Variants in PIWIL1 observed in about 807,000 individuals in gnomAD.
PIWIL1 encodes the protein piwi-like protein 1.
PIWIL1 carries 73 observed loss-of-function variants against 114.4 expected under a neutral mutation model. The ratio of observed to expected loss-of-function variants is 0.64; its 90% CI spans 0.53 to 0.78. The LOEUF is 0.78. Ranked by LOEUF, PIWIL1 falls within the 30% of genes least tolerant of loss-of-function variation. The pLI, the probability that PIWIL1 is intolerant of heterozygous loss-of-function variation, is 0.00. For missense variants in PIWIL1, 723 were observed against 1,063.1 expected, an observed-to-expected ratio of 0.68 and a Z score of 4.45; for synonymous variants, 375 against 369.0, an observed-to-expected ratio of 1.02 and a Z score of -0.19.
intron 19 of PIWIL1, among the ~76,000 whole-genome samples, chr12:130,369,791 T>C (rs2073770628): frequency 1.3e-5 from 2 of 152,198 alleles, no homozygotes; most frequent in Admixed American, 6.5e-5. Context: ...ATTAGACTTT[T>C]GTAAGATGGG....
chr12:130,346,460 A>G lies in PIWIL1; in HGVS notation c.407A>G (p.Tyr136Cys), dbSNP rs747560820. The change falls in exon 5 of 21, where the codon TAT becomes TGT. Residue 136 changes from tyrosine (Y) to cysteine (C), a missense_variant. Coordinates refer to ENST00000245255, the MANE Select transcript of PIWIL1 (RefSeq NM_004764.5). ...GCCTTATATCAGTATCACATTGACT[A>G]TAACCCACTGATGGAAGCCAGAAGA... is the stretch of plus-strand genomic sequence containing the variant. ...QWALYQYHID[Y>C]NPLMEARRLR... 3 of 1,614,076 alleles carry G rather than the reference A, an allele frequency of 1.9e-6. No individual in the cohort carries two copies. Among genetic ancestry groups the G allele is most frequent in the Non-Finnish European group, 1.7e-6 (2 of 1,179,890 alleles).
intron 1 of PIWIL1, chr12:130,339,738 C>G (rs141794125): frequency 2.0e-5 from 3 of 152,316 alleles, no homozygotes; most frequent in African/African-American, 7.2e-5. Flanking sequence ...CCGTGGGTTT[C>G]AGGCCCTGGA....
At chr12:130,360,694 G>A (rs1413580785) in intron 14 of PIWIL1, among the ~76,000 whole-genome samples, 4 of 152,160 alleles carry the variant, frequency 2.6e-5, no homozygotes, top group Non-Finnish European at 5.9e-5. Context: ...TGGGGCAGGG[G>A]CATGTTGAGA....
chr12:130,410,899 C>T, the PIWIL1 span, among the ~76,000 whole-genome samples: 2 of 152,180 alleles, frequency 1.3e-5, no homozygotes, highest in African/African-American at 4.8e-5. Flanking sequence ...ACATAAATCC[C>T]AGCACAGATT....
chr12:130,399,681 T>C, the PIWIL1 span: 1 of 1,613,932 alleles, frequency 6.2e-7, no homozygotes, highest in South Asian at 1.1e-5. Flanking sequence ...TTGCTTACCC[T>C]TTTTGCCTTT....
chr12:130,347,421 G>A (rs1028584167), intron 6 of PIWIL1, among the ~76,000 whole-genome samples: 1 of 152,146 alleles, frequency 6.6e-6, no homozygotes, highest in East Asian at 1.9e-4. Context: ...GAGATATACT[G>A]CATGCTTGAT....
chr12:130,380,218 A>G, the PIWIL1 span, among the ~76,000 whole-genome samples: 1 of 144,788 alleles, frequency 6.9e-6, no homozygotes, highest in South Asian at 2.2e-4. Flanking sequence ...AGTTCCTTCA[A>G]CTCCCTCATC....
intron 14 of PIWIL1, among the ~76,000 whole-genome samples, chr12:130,358,122 A>G (rs2073414899): frequency 6.6e-6 from 1 of 152,152 alleles, no homozygotes. Flanking sequence ...CCACCCATCC[A>G]GGTGAGTGAG....
chr12:130,352,803 A>T (rs1008934511), intron 9 of PIWIL1, among the ~76,000 whole-genome samples: 6 of 152,198 alleles, frequency 3.9e-5, no homozygotes, highest in African/African-American at 1.2e-4. Context: ...AGGGTGAGAG[A>T]GGACACATTT....
chr12:130,388,574 A>G, the PIWIL1 span, among the ~76,000 whole-genome samples: 89,261 of 152,016 alleles, frequency 0.59, 28,342 homozygotes, highest in Non-Finnish European at 0.7. Context: ...TTTAGGTTTT[A>G]CCATCCTCCA....
intron 19 of PIWIL1, among the ~76,000 whole-genome samples, chr12:130,369,746 T>G (rs1453843952): frequency 6.6e-6 from 1 of 152,214 alleles, no homozygotes; most frequent in East Asian, 1.9e-4. Flanking sequence ...TTTTTTTTCT[T>G]GTAAATTTGC....
chr12:130,381,116 C>T, the PIWIL1 span, among the ~76,000 whole-genome samples: 2 of 152,134 alleles, frequency 1.3e-5, no homozygotes, highest in Non-Finnish European at 2.9e-5. Context: ...ATCATGATTG[C>T]CCCAAGTCCA....
the PIWIL1 span, among the ~76,000 whole-genome samples, chr12:130,411,735 C>T: frequency 6.6e-6 from 1 of 152,124 alleles, no homozygotes; most frequent in Non-Finnish European, 1.5e-5. Context: ...TCTTCGATCT[C>T]ATGGATTTAA....
intron 14 of PIWIL1, 143 bp from the exon 15 acceptor site, chr12:130,361,037 G>T: frequency 1.5e-6 from 1 of 666,392 alleles, no homozygotes; most frequent in Non-Finnish European, 2.6e-6. Context: ...CTACTGATTA[G>T]CTGTGTGGCT....
rs1441300547 is a variant in PIWIL1 at position 130,349,850 on chromosome 12, C to T, written c.933-6C>T. On this transcript the variant is annotated splice_region_variant and splice_polypyrimidine_tract_variant and intron_variant, in intron 8 of 20. Transcript: ENST00000245255. ...CAAATGCAGTCAAATCTCAACTGAT[C>T]CCTAGGTATAACAATAAGACATACA... is the stretch of plus-strand genomic sequence containing the variant. 2 of 1,492,912 alleles carry T rather than the reference C, an allele frequency of 1.3e-6. No homozygotes were observed. The highest frequency in any genetic ancestry group is 1.2e-5 in the South Asian group (1 of 85,470). 92.5% of individuals were successfully genotyped at this position (1,492,912 alleles called of 1,614,324 possible). A position where few individuals can be genotyped will look rare whatever the true frequency, so the allele number is the denominator to read the frequency against.
intron 19 of PIWIL1, among the ~76,000 whole-genome samples, chr12:130,369,099 C>T (rs183770885): frequency 7.9e-5 from 12 of 152,244 alleles, no homozygotes; most frequent in Non-Finnish European, 1.6e-4. Context: ...CCTCCATGTT[C>T]ATGTGTTCTC....
the PIWIL1 span, among the ~76,000 whole-genome samples, chr12:130,409,595 G>A: frequency 4.8e-4 from 73 of 151,996 alleles, no homozygotes; most frequent in African/African-American, 1.6e-3. Context: ...CGCCCACCTC[G>A]GCCTCCCAAA....
the PIWIL1 span, chr12:130,399,039 C>A: frequency 2.8e-6 from 2 of 713,366 alleles, no homozygotes; most frequent in East Asian, 3.1e-5. Flanking sequence ...ACAATGAAGC[C>A]TTAAGTCTAC....
At chr12:130,392,201 A>C in the PIWIL1 span, among the ~76,000 whole-genome samples, 1 of 17,890 alleles carries the variant, frequency 5.6e-5, no homozygotes, top group South Asian at 1.4e-3. Context: ...CATCACGTGG[A>C]TGCATCAGTT....
Sources: gnomAD v4.1 joint callset for allele counts (sites outside exome capture counted in the v4.1 genomes callset) on GRCh38, gnomAD v4.1.1 for gene constraint, MANE v1.5 for transcripts, NCBI Gene and HGNC (gene_info 2026-07-23, HGNC 2026-07-21) for gene names.